The following GRXCR2 variants were observed in gnomAD, a reference collection of about 807,000 sequenced individuals.
GRXCR2 encodes the protein glutaredoxin domain-containing cysteine-rich protein 2.
A neutral mutation model predicts 24.8 loss-of-function variants in GRXCR2; 23 were observed. The ratio of observed to expected loss-of-function variants is 0.93; its 90% confidence interval spans 0.67 to 1.32. The LOEUF is 1.32. Ranked by LOEUF, GRXCR2 falls within the 40% of genes most tolerant of loss-of-function variation. The probability of loss-of-function intolerance (pLI) is 0.00; values close to 1 mark genes in which losing one functional copy is unlikely to be tolerated. For missense variants in GRXCR2, 315 were observed against 303.4 expected (o/e 1.04, Z -0.28); for synonymous variants, 130 against 116.1 (o/e 1.12, Z -0.77).
At chr5:145,919,392 C>A (rs1231827175) in intron 2 of GRXCR2, among the ~76,000 whole-genome samples, 1 of 152,202 alleles carries the variant, frequency 6.6e-6, no homozygotes, top group Admixed American at 6.5e-5. Context: ...CGCTGTGATG[C>A]AAGTAGCCTT....
At chr5:145,888,775 G>T (rs1174109695) in intron 2 of GRXCR2, among the ~76,000 whole-genome samples, 1 of 151,082 alleles carries the variant, frequency 6.6e-6, no homozygotes, top group East Asian at 1.9e-4. Context: ...ATTTTAATGG[G>T]TTTTTCTTAA....
chr5:145,913,604 G>A (rs1475546180), intron 2 of GRXCR2, among the ~76,000 whole-genome samples: 1 of 152,146 alleles, frequency 6.6e-6, no homozygotes, highest in Non-Finnish European at 1.5e-5. Flanking sequence ...CTTTTTCTGA[G>A]AAGAATGAAA....
At chr5:145,892,220 G>A (rs1407870978) in intron 2 of GRXCR2, among the ~76,000 whole-genome samples, 1 of 152,174 alleles carries the variant, frequency 6.6e-6, no homozygotes, top group Admixed American at 6.5e-5. Context: ...CTAAAAATCA[G>A]AGCGCCTCTC....
At chr5:145,888,685 A>G (rs934276025) in intron 2 of GRXCR2, among the ~76,000 whole-genome samples, 6 of 152,270 alleles carry the variant, frequency 3.9e-5, no homozygotes, top group African/African-American at 1.4e-4. Flanking sequence ...TTCCTAAAAA[A>G]TAACTATTAC....
intron 2 of GRXCR2, among the ~76,000 whole-genome samples, chr5:145,919,597 G>A (rs190983343): frequency 4.4e-4 from 67 of 152,264 alleles, no homozygotes; most frequent in Admixed American, 2.1e-3. Flanking sequence ...AAGGGTTTAA[G>A]TATTGGGTAG....
At chr5:145,883,836 C>T (rs1001539784) in intron 2 of GRXCR2, among the ~76,000 whole-genome samples, 1 of 152,098 alleles carries the variant, frequency 6.6e-6, no homozygotes, top group African/African-American at 2.4e-5. Flanking sequence ...TGTAGTCAGC[C>T]GAGATCGCAC....
intron 2 of GRXCR2, among the ~76,000 whole-genome samples, chr5:145,911,569 C>T (rs907745022): frequency 6.6e-6 from 1 of 152,234 alleles, no homozygotes; most frequent in East Asian, 1.9e-4. Context: ...GAAGCCAAGA[C>T]AGATGAACTT....
intron 2 of GRXCR2, among the ~76,000 whole-genome samples, chr5:145,899,576 A>G (rs1756997739): frequency 6.6e-6 from 1 of 152,190 alleles, no homozygotes; most frequent in African/African-American, 2.4e-5. Context: ...AACCTATGGA[A>G]CAAAATAAAG....
rs116007741 is a variant in GRXCR2 at position 145,905,564 on chromosome 5, T to C, written c.-70+30137A>G. Among the ~76,000 whole-genome samples the C allele has an allele frequency of 2.8e-3, 432 of 152,306 alleles. 2 individuals are homozygous for C. The highest frequency in any genetic ancestry group is 0.01 in the African/African-American group (422 of 41,556). On this transcript the variant is annotated intron_variant, in intron 2 of 3. Coordinates refer to the GRXCR2 transcript ENST00000639411. ...AATAGAGGAAATTGGTATTTACATA[T>C]ATAACATTAAACCAAGGCACCTTCA... is the stretch of plus-strand genomic sequence containing the variant.
At chr5:145,916,815 G>A (rs1418314550) in intron 2 of GRXCR2, among the ~76,000 whole-genome samples, 1 of 152,044 alleles carries the variant, frequency 6.6e-6, no homozygotes, top group Non-Finnish European at 1.5e-5. Context: ...AACCTTAGAG[G>A]GTCATTGTGA....
At chr5:145,867,827 A>G (rs1177217409) in intron 1 of GRXCR2, among the ~76,000 whole-genome samples, 1 of 152,186 alleles carries the variant, frequency 6.6e-6, no homozygotes, top group Non-Finnish European at 1.5e-5. Context: ...CATCACCACA[A>G]TCAAGCTAGT....
At chr5:145,915,664 G>A (rs1485131891) in intron 2 of GRXCR2, among the ~76,000 whole-genome samples, 1 of 151,918 alleles carries the variant, frequency 6.6e-6, no homozygotes, top group Non-Finnish European at 1.5e-5. Flanking sequence ...AACCCAGGAG[G>A]TGGAGGTTGC....
chr5:145,888,704 TAGA>T (rs1756812109), intron 2 of GRXCR2, among the ~76,000 whole-genome samples: 2 of 152,190 alleles, frequency 1.3e-5, no homozygotes, highest in Admixed American at 6.5e-5. Context: ...ACTATAAATC[TAGA>T]ATATGTCCTT....
intron 2 of GRXCR2, among the ~76,000 whole-genome samples, chr5:145,895,657 C>G (rs570152947): frequency 1.2e-3 from 189 of 152,292 alleles, no homozygotes; most frequent in African/African-American, 4.4e-3. Flanking sequence ...GAATAACATT[C>G]CCTGCTCATG....
intron 2 of GRXCR2, among the ~76,000 whole-genome samples, chr5:145,928,678 C>T (rs1358911028): frequency 6.9e-6 from 1 of 145,544 alleles, no homozygotes; most frequent in Non-Finnish European, 1.5e-5. Flanking sequence ...CACATGTTCT[C>T]ACTCATAGGT....
At chr5:145,869,195 G>A (rs1270294915) in intron 1 of GRXCR2, among the ~76,000 whole-genome samples, 2 of 152,178 alleles carry the variant, frequency 1.3e-5, no homozygotes, top group African/African-American at 4.8e-5. Context: ...TTAAAATGTT[G>A]TTTGACAACT....
At chr5:145,903,131 G>A (rs958256030) in intron 2 of GRXCR2, among the ~76,000 whole-genome samples, 3 of 152,208 alleles carry the variant, frequency 2.0e-5, no homozygotes, top group African/African-American at 4.8e-5. Context: ...ACAGGGTAAT[G>A]CAAAGGTCAC....
chr5:145,903,997 CACA>C (rs553477510), intron 2 of GRXCR2, among the ~76,000 whole-genome samples: 2 of 152,160 alleles, frequency 1.3e-5, no homozygotes, highest in Non-Finnish European at 2.9e-5. Context: ...ATGAAAATTT[CACA>C]ACACTTTAGA....
chr5:145,896,806 A>C (rs1756956687), intron 2 of GRXCR2, among the ~76,000 whole-genome samples: 1 of 152,152 alleles, frequency 6.6e-6, no homozygotes, highest in African/African-American at 2.4e-5. Context: ...AGGATTATGA[A>C]TCATGCTGCT....
Sources: allele counts gnomAD v4.1 joint callset (sites outside exome capture counted in the v4.1 genomes callset), GRCh38; gene constraint gnomAD v4.1.1; transcripts MANE v1.5; gene names NCBI Gene and HGNC (gene_info 2026-07-23, HGNC 2026-07-21).